The following MEOX1 variants were observed in gnomAD, a reference collection of about 807,000 sequenced individuals.
MEOX1 encodes the protein homeobox protein MOX-1.
Under a neutral mutation model 23.2 loss-of-function variants are expected in MEOX1, and 17 were observed. The ratio of observed to expected loss-of-function variants is 0.73; its 90% CI spans 0.50 to 1.10. The LOEUF (loss-of-function observed/expected upper bound fraction) is 1.10, where lower values mean the gene tolerates loss of function less well. MEOX1 is among the 50% of genes least tolerant of loss of function. The pLI, the probability that MEOX1 is intolerant of heterozygous loss-of-function variation, is 0.00. For missense variants in MEOX1, 333 were observed against 332.2 expected, an observed-to-expected ratio of 1.00 and a Z score of -0.02; for synonymous variants, 134 against 135.1, an observed-to-expected ratio of 0.99 and a Z score of 0.06.
At chr17:43,657,484 G>A (rs1973062510) in intron 1 of MEOX1, among the ~76,000 whole-genome samples, 2 of 152,074 alleles carry the variant, frequency 1.3e-5, no homozygotes, top group Admixed American at 1.3e-4. Context: ...ACCGCGCCCG[G>A]CCAACCCTTG....
chr17:43,659,851 G>A (rs1808898001), intron 1 of MEOX1, among the ~76,000 whole-genome samples: 1 of 152,202 alleles, frequency 6.6e-6, no homozygotes, highest in South Asian at 2.1e-4. Context: ...CACCTCTGCA[G>A]GCCTCTTCTT....
At chr17:43,660,110 A>G (rs1973109849) in intron 1 of MEOX1, among the ~76,000 whole-genome samples, 1 of 152,224 alleles carries the variant, frequency 6.6e-6, no homozygotes, top group Non-Finnish European at 1.5e-5. Flanking sequence ...CAGCACGGGC[A>G]GGAGGCTTGG....
chr17:43,655,548 G>C (rs573537868), intron 1 of MEOX1, among the ~76,000 whole-genome samples: 2 of 151,620 alleles, frequency 1.3e-5, no homozygotes. Context: ...AGGAGGCCAG[G>C]CATGGTGGCT....
intron 1 of MEOX1, among the ~76,000 whole-genome samples, chr17:43,659,070 G>A (rs577343997): frequency 7.7e-4 from 118 of 152,270 alleles, no homozygotes; most frequent in African/African-American, 2.6e-3. Flanking sequence ...CAGGGCCATC[G>A]GCCACTCGCC....
At chr17:43,653,140 C>A (rs1301927918) in intron 1 of MEOX1, among the ~76,000 whole-genome samples, 1 of 129,856 alleles carries the variant, frequency 7.7e-6, no homozygotes, top group Non-Finnish European at 1.6e-5. Flanking sequence ...CCTACCATTG[C>A]CTTTTTTTTT....
chr17:43,661,342 A>T lies in MEOX1; in HGVS notation c.193T>A (p.Ser65Thr). Residue 65 changes from serine (S) to threonine (T), a missense_variant, in exon 1 of 3, where the codon TCC becomes ACC. Transcript: ENST00000318579. ...CTGTGTGGGGTGGCTGCCAGGCAGG[A>T]GGCTGAGAAGTCAGGGTACGCTGCC... ...ATAAYPDFSA[S>T]CLAATPHSLP... 2 of 1,598,374 alleles carry T rather than the reference A, an allele frequency of 1.3e-6. No individual in the cohort carries two copies. Among genetic ancestry groups the T allele is most frequent in the Non-Finnish European group, 1.7e-6 (2 of 1,170,612 alleles).
intron 1 of MEOX1, 103 bp downstream of exon 1, chr17:43,660,963 C>G (rs1973126903): frequency 1.4e-6 from 1 of 703,280 alleles, no homozygotes; most frequent in South Asian, 3.0e-5. Flanking sequence ...TTTGGATGGA[C>G]TAGACAGAAA....
chr17:43,651,180 G>A (rs1972909446), intron 1 of MEOX1, among the ~76,000 whole-genome samples: 2 of 152,122 alleles, frequency 1.3e-5, no homozygotes, highest in Non-Finnish European at 2.9e-5. Context: ...TTAGCCGGGT[G>A]TGGTGGCGGG....
intron 1 of MEOX1, among the ~76,000 whole-genome samples, chr17:43,651,132 T>C (rs998404442): frequency 3.3e-5 from 5 of 151,952 alleles, no homozygotes; most frequent in Non-Finnish European, 7.4e-5. Flanking sequence ...TCCTGGCTAA[T>C]ATGGTGAAAC....
At chr17:43,654,870 G>A (rs1972985520) in intron 1 of MEOX1, among the ~76,000 whole-genome samples, 1 of 151,956 alleles carries the variant, frequency 6.6e-6, no homozygotes, top group African/African-American at 2.4e-5. Flanking sequence ...GGCTAACACA[G>A]TGAAACCCCG....
intron 2 of MEOX1, among the ~76,000 whole-genome samples, chr17:43,643,286 G>A (rs573504891): frequency 3.3e-5 from 5 of 152,288 alleles, no homozygotes; most frequent in Admixed American, 2.0e-4. Context: ...CAGCCTGGGC[G>A]ACAGAACGAG....
chr17:43,655,939 A>C (rs1012979792), intron 1 of MEOX1, among the ~76,000 whole-genome samples: 21 of 152,200 alleles, frequency 1.4e-4, no homozygotes, highest in African/African-American at 4.8e-4. Flanking sequence ...TTGCACAACT[A>C]CTGTACTGTA....
intron 1 of MEOX1, among the ~76,000 whole-genome samples, chr17:43,649,361 C>G (rs1972872416): frequency 7.0e-6 from 1 of 142,834 alleles, no homozygotes; most frequent in Non-Finnish European, 1.5e-5. Context: ...TTGGTCACTG[C>G]AATGGCGGGA....
Position 43,661,648 on chromosome 17 carries a change from A to G in MEOX1, c.-114T>C. On this transcript the variant is annotated 5_prime_UTR_variant, in exon 1 of 3. Coordinates refer to ENST00000318579, the MANE Select transcript of MEOX1 (RefSeq NM_004527.4). ...AACTAAATAGGAGGGAAAAATGTTC[A>G]ACAGAAAATTTACCCCAGGAACCAA... 1.6e-6 allele frequency: 1 copy of G among 633,452 alleles called. No individual in the cohort carries two copies. Among genetic ancestry groups the G allele is most frequent in the Admixed American group, 4.0e-5 (1 of 25,086 alleles). 39.2% of individuals were successfully genotyped at this position (633,452 alleles called of 1,614,324 possible).
At chr17:43,645,912 G>A (rs1972801454) in intron 1 of MEOX1, among the ~76,000 whole-genome samples, 1 of 152,240 alleles carries the variant, frequency 6.6e-6, no homozygotes, top group Non-Finnish European at 1.5e-5. Flanking sequence ...GGAGGCGCAC[G>A]GTAAAGTGAT....
chr17:43,655,851 G>A (rs1598266481), intron 1 of MEOX1, among the ~76,000 whole-genome samples: 1 of 152,226 alleles, frequency 6.6e-6, no homozygotes, highest in East Asian at 1.9e-4. Flanking sequence ...TTGCTAGGGG[G>A]TGGGGGAAGG....
chr17:43,641,751 A>G lies in MEOX1; in HGVS notation c.*159T>C. The G allele has an allele frequency of 1.4e-6, 1 of 729,700 alleles. No homozygotes were observed. Among genetic ancestry groups the G allele is most frequent in the Admixed American group, 3.1e-5 (1 of 32,770 alleles). The allele number at this position is 729,700 out of a possible 1,614,324, so 45.2% of individuals were successfully genotyped here. A position where few individuals can be genotyped will look rare whatever the true frequency, so the allele number is the denominator to read the frequency against. On this transcript the variant is annotated 3_prime_UTR_variant, in exon 3 of 3. Transcript: ENST00000318579. ...TGGACAGAACTTCCTAGAAAATCCT[A>G]AGACTCCCAGGAATGCTGGGCAGTT...
At chr17:43,652,236 C>CAGCG (rs1972931825) in intron 1 of MEOX1, among the ~76,000 whole-genome samples, 1 of 152,160 alleles carries the variant, frequency 6.6e-6, no homozygotes, top group South Asian at 2.1e-4. Context: ...GGAGCTGCTG[C>CAGCG]AGCGGTGCAC....
intron 1 of MEOX1, among the ~76,000 whole-genome samples, chr17:43,656,395 G>A (rs998423283): frequency 6.6e-6 from 1 of 152,094 alleles, no homozygotes; most frequent in African/African-American, 2.4e-5. Context: ...GGCAGGGGTA[G>A]TGGAGGGGAC....
Sources: allele counts gnomAD v4.1 joint callset (sites outside exome capture counted in the v4.1 genomes callset), GRCh38; gene constraint gnomAD v4.1.1; transcripts MANE v1.5; gene names NCBI Gene and HGNC (gene_info 2026-07-23, HGNC 2026-07-21).